MRPL39: variants seen among roughly 807,000 people sequenced by gnomAD.
MRPL39 encodes mitochondrial ribosomal protein L39.
MRPL39 carries 35 observed loss-of-function variants against 44.5 expected under a neutral mutation model. The observed-to-expected ratio is 0.79, with a 90% CI of 0.60 to 1.04. The LOEUF (loss-of-function observed/expected upper bound fraction) is 1.04. MRPL39 is among the 50% of genes least tolerant of loss of function. The probability of loss-of-function intolerance (pLI) is 0.00; values close to 1 mark genes in which losing one functional copy is unlikely to be tolerated. For synonymous variants in MRPL39, 139 were observed against 136.1 expected (o/e 1.02, Z -0.15); for missense variants, 433 against 413.5 (o/e 1.05, Z -0.41).
At chr21:25,589,318 T>G (rs2031100601) in intron 8 of MRPL39, among the ~76,000 whole-genome samples, 1 of 152,100 alleles carries the variant, frequency 6.6e-6, no homozygotes, top group Admixed American at 6.6e-5. Flanking sequence ...AAGAAGACAG[T>G]CATTAAAAAC....
chr21:25,607,112 G>C (rs1244029005), intron 1 of MRPL39, among the ~76,000 whole-genome samples: 2 of 152,242 alleles, frequency 1.3e-5, no homozygotes, highest in Non-Finnish European at 2.9e-5. Flanking sequence ...GGAAGACATG[G>C]ACAGATGTGC....
chr21:25,607,290 A>C (rs909692205), intron 1 of MRPL39, 113 bp downstream of exon 1: 2 of 1,145,242 alleles, frequency 1.7e-6, no homozygotes, highest in Non-Finnish European at 2.6e-6. Context: ...GGACTAAGAA[A>C]CCCTCCTCCT....
chr21:25,607,350 C>T (rs1276435674), intron 1 of MRPL39, 53 bp downstream of exon 1: 2 of 1,595,882 alleles, frequency 1.3e-6, no homozygotes, highest in East Asian at 2.2e-5. Context: ...CCAATCTAGA[C>T]AGACACCACT....
Position 25,603,898 on chromosome 21 carries a change from A to G in MRPL39, c.318T>C (p.Ala106=). 1 of 1,612,124 alleles carries G rather than the reference A, an allele frequency of 6.2e-7. No homozygotes were observed. The highest frequency in any genetic ancestry group is 8.5e-7 in the Non-Finnish European group (1 of 1,179,220). ...TGTCCCAAGGCTGTCCATCCACCAGAGCCAGAATGGACTTCCTGCAATACC... is the reference window on the plus strand; with the variant it reads ...TGTCCCAAGGCTGTCCATCCACCAGGGCCAGAATGGACTTCCTGCAATACC... ...SEWYCRKSIL[A]LVDGQPWDMY... The change falls in exon 3 of 10, where the codon GCT becomes GCC. Residue 106 remains alanine (A), a synonymous_variant. Transcript: ENST00000352957.
At chr21:25,603,727 A>G (rs2031584897) in intron 3 of MRPL39, 69 bp downstream of exon 3, 2 of 1,463,566 alleles carry the variant, frequency 1.4e-6, no homozygotes, top group Non-Finnish European at 9.3e-7. Flanking sequence ...TACACCCCAT[A>G]GAAAACAGGT....
At chr21:25,588,966 A>G in intron 8 of MRPL39, 84 bp from the exon 9 acceptor site, 1 of 1,184,398 alleles carries the variant, frequency 8.4e-7, no homozygotes, top group East Asian at 2.4e-5. Flanking sequence ...AGCTTTTAGA[A>G]CAAAATAAAT....
intron 5 of MRPL39, among the ~76,000 whole-genome samples, chr21:25,597,980 ATG>A (rs1269434152): frequency 6.6e-6 from 1 of 152,174 alleles, no homozygotes; most frequent in East Asian, 1.9e-4. Flanking sequence ...CACATTAACA[ATG>A]TGTTTAAGAT....
chr21:25,599,885 T>C lies in MRPL39; in HGVS notation c.521-19A>G, dbSNP rs1202905955. On this transcript the variant is annotated intron_variant, in intron 4 of 9. Coordinates refer to ENST00000352957, the MANE Select transcript of MRPL39 (RefSeq NM_017446.4). Reference sequence around the variant, plus strand: ...GAAATTACTGTAAATCCAACCAAAATAAAAAGCAAAGTCAAATCTGCCCCA... The same window carrying C: ...GAAATTACTGTAAATCCAACCAAAACAAAAAGCAAAGTCAAATCTGCCCCA... The C allele has an allele frequency of 6.2e-7, 1 of 1,602,126 alleles. No homozygotes were observed.
At chr21:25,594,348 C>A (rs780005471) in intron 6 of MRPL39, among the ~76,000 whole-genome samples, 2 of 150,028 alleles carry the variant, frequency 1.3e-5, no homozygotes, top group Admixed American at 6.7e-5. Context: ...AAACTTCGGG[C>A]TCAAGCGACC....
chr21:25,598,605 G>C (rs984729601), intron 5 of MRPL39, among the ~76,000 whole-genome samples: 2 of 152,022 alleles, frequency 1.3e-5, no homozygotes, highest in Admixed American at 6.6e-5. Context: ...GGAGCCCAGA[G>C]GTCATGAAGA....
intron 5 of MRPL39, among the ~76,000 whole-genome samples, chr21:25,599,356 G>T (rs946767144): frequency 2.6e-5 from 4 of 152,346 alleles, no homozygotes; most frequent in Non-Finnish European, 5.9e-5. Context: ...TATGCAACAA[G>T]TTAAAATGGT....
Position 25,603,929 on chromosome 21 carries a change from C to T in MRPL39, c.287G>A (p.Ser96Asn), listed in dbSNP as rs754178594. 7 of 1,605,182 alleles carry T rather than the reference C, an allele frequency of 4.4e-6. No homozygotes were observed. In the African/African-American group the frequency reaches 5.4e-5, roughly 12 times the overall value. Residue 96 changes from serine (S) to asparagine (N), a missense_variant, in exon 3 of 10, where the codon AGC (serine) becomes AAC (asparagine). Transcript: ENST00000352957. Reference protein sequence around the residue: ...STPYSCAMHLSEWYCRKSILA... With the variant: ...STPYSCAMHLNEWYCRKSILA... ...AATGGACTTCCTGCAATACCACTCG[C>T]TTAAATCTAGAAATTTAAAACAGAC...
At chr21:25,598,850 T>A (rs1348651573) in intron 5 of MRPL39, among the ~76,000 whole-genome samples, 3 of 69,260 alleles carry the variant, frequency 4.3e-5, no homozygotes, top group Admixed American at 4.2e-4. Context: ...GATGTATTAC[T>A]AAGGGGAAAA....
chr21:25,592,320 T>C (rs1347120584), intron 8 of MRPL39, among the ~76,000 whole-genome samples: 4 of 152,192 alleles, frequency 2.6e-5, no homozygotes, highest in African/African-American at 9.6e-5. Context: ...TGCAAGATGC[T>C]ACCATTGAGG....
chr21:25,595,913 A>G (rs967549820), intron 6 of MRPL39, among the ~76,000 whole-genome samples: 8 of 152,190 alleles, frequency 5.3e-5, no homozygotes, highest in Admixed American at 1.3e-4. Flanking sequence ...AATCAATGCT[A>G]TAAATGGTGG....
rs756794519 is a variant in MRPL39, at chr21:25,601,378, T to C, written c.510A>G (p.Pro170=). The C allele has an allele frequency of 3.7e-6, 6 of 1,609,036 alleles. No individual in the cohort carries two copies. Among genetic ancestry groups the C allele is most frequent in the Non-Finnish European group, 5.1e-6 (6 of 1,176,926 alleles). The part of the protein sequence containing the change: ...DEYMVNLVRA[P]EVPVISGAFC... Reference sequence around the variant, plus strand: ...ATATGTATACACTACCAGGAACTTCTGGAGCTCTGACCAAATTGACCATAT... The same window carrying C: ...ATATGTATACACTACCAGGAACTTCCGGAGCTCTGACCAAATTGACCATAT... Residue 170 remains proline (P), a synonymous_variant, in exon 4 of 10, where the codon CCA becomes CCG. Transcript: ENST00000352957.
At chr21:25,597,234 C>A (rs2031386234) in intron 6 of MRPL39, 68 bp downstream of exon 6, 1 of 1,032,380 alleles carries the variant, frequency 9.7e-7, no homozygotes, top group Admixed American at 2.9e-5. Flanking sequence ...ATTTTTAAGA[C>A]CTGAATTTTC....
chr21:25,591,978 C>A (rs1329691201), intron 8 of MRPL39, among the ~76,000 whole-genome samples: 1 of 152,068 alleles, frequency 6.6e-6, no homozygotes, highest in African/African-American at 2.4e-5. Context: ...TACTACTTAG[C>A]AATAAGAATG....
chr21:25,607,240 A>G (rs896402108), intron 1 of MRPL39, among the ~76,000 whole-genome samples, 163 bp downstream of exon 1: 6 of 152,034 alleles, frequency 3.9e-5, no homozygotes, highest in Non-Finnish European at 8.8e-5. Flanking sequence ...GTTCCCATAA[A>G]TTAGTCCTCC....
Sources: allele counts gnomAD v4.1 joint callset (sites outside exome capture counted in the v4.1 genomes callset), GRCh38; gene constraint gnomAD v4.1.1; transcripts MANE v1.5; gene names NCBI Gene and HGNC (gene_info 2026-07-23, HGNC 2026-07-21).